Variants in ITSN1 observed in about 807,000 individuals in gnomAD.
ITSN1 encodes intersectin 1.
Under a neutral mutation model 239.8 loss-of-function variants are expected in ITSN1, and 58 were observed. The observed-to-expected ratio is 0.24, with a 90% confidence interval of 0.20 to 0.30. The LOEUF (loss-of-function observed/expected upper bound fraction) is 0.30, where lower values mean the gene tolerates loss of function less well. ITSN1 is among the 10% of genes least tolerant of loss of function. The pLI is 1.00. For missense variants in ITSN1, 1,558 were observed against 2,103.3 expected (o/e 0.74, Z 5.07); for synonymous variants, 780 against 770.8 (o/e 1.01, Z -0.20).
intron 4 of ITSN1, among the ~76,000 whole-genome samples, chr21:33,728,269 A>G (rs898974910): frequency 4.7e-5 from 7 of 149,238 alleles, no homozygotes; most frequent in East Asian, 2.0e-4. Flanking sequence ...CCGGCCAGGA[A>G]TAATCTTTTG....
intron 29 of ITSN1, among the ~76,000 whole-genome samples, chr21:33,856,022 G>T (rs1024517157): frequency 1.3e-5 from 2 of 152,220 alleles, no homozygotes; most frequent in Non-Finnish European, 2.9e-5. Flanking sequence ...AAGTCTCAGG[G>T]TTTGGCTCTT....
chr21:33,749,434 G>A (rs1425971654), intron 5 of ITSN1, among the ~76,000 whole-genome samples: 1 of 152,112 alleles, frequency 6.6e-6, no homozygotes, highest in Non-Finnish European at 1.5e-5. Context: ...CCTGAGGTCA[G>A]GAGTTTGAGA....
At chr21:33,697,533 T>A (rs924577038) in intron 1 of ITSN1, among the ~76,000 whole-genome samples, 17 of 152,168 alleles carry the variant, frequency 1.1e-4, no homozygotes, top group African/African-American at 3.9e-4. Flanking sequence ...CACTTATTAA[T>A]TTATATTTGA....
rs547345446 is a variant in ITSN1, at chr21:33,797,725, A to C, written c.2182+117A>C. On this transcript the variant is annotated intron_variant, in intron 18 of 39. Transcript: ENST00000381318. This position sits in a 1 kb window ranked among gnomAD's most constrained non-coding sequence, Gnocchi z 4.9. ...GGCTACATTAACAGATGAGAACGTCAGTCTCTTATTTTGAGCATGGCCAGC... is the reference window on the plus strand; with the variant it reads ...GGCTACATTAACAGATGAGAACGTCCGTCTCTTATTTTGAGCATGGCCAGC... 1 of 739,406 alleles carries C rather than the reference A, an allele frequency of 1.4e-6. No individual in the cohort carries two copies. The highest frequency in any genetic ancestry group is 2.2e-6 in the Non-Finnish European group (1 of 445,198). 45.8% of individuals were successfully genotyped at this position (739,406 alleles called of 1,614,324 possible). A position where few individuals can be genotyped will look rare whatever the true frequency, so the allele number is the denominator to read the frequency against.
intron 1 of ITSN1, among the ~76,000 whole-genome samples, chr21:33,650,417 C>T (rs188555939): frequency 2.0e-5 from 3 of 152,166 alleles, no homozygotes; most frequent in Admixed American, 2.0e-4. Context: ...GTCTGTTTGC[C>T]TGTGTGTGTG....
chr21:33,731,791 T>A (rs1473095501), intron 4 of ITSN1, among the ~76,000 whole-genome samples: 2 of 152,144 alleles, frequency 1.3e-5, no homozygotes, highest in African/African-American at 4.8e-5. Flanking sequence ...GGAAACTACT[T>A]AAATATGTGA....
At chr21:33,724,465 A>G (rs908913526) in intron 4 of ITSN1, among the ~76,000 whole-genome samples, 3 of 152,262 alleles carry the variant, frequency 2.0e-5, no homozygotes, top group Non-Finnish European at 2.9e-5. Flanking sequence ...TGTGAATTTT[A>G]ACAAGCTTCT....
chr21:33,761,627 T>C (rs1317475254), intron 8 of ITSN1, among the ~76,000 whole-genome samples: 1 of 152,188 alleles, frequency 6.6e-6, no homozygotes. Context: ...GATGGTAATG[T>C]GGACAAAAGG....
intron 21 of ITSN1, among the ~76,000 whole-genome samples, chr21:33,812,002 T>C (rs2072950213): frequency 6.6e-6 from 1 of 152,146 alleles, no homozygotes; most frequent in African/African-American, 2.4e-5. Flanking sequence ...AAGGATCAGA[T>C]GGAACAAATA....
At chr21:33,860,774 A>G (rs1051684393) in intron 31 of ITSN1, among the ~76,000 whole-genome samples, 1 of 152,140 alleles carries the variant, frequency 6.6e-6, no homozygotes, top group Admixed American at 6.5e-5. Flanking sequence ...GGAAAAAAAC[A>G]TGGGCCCAGA....
At chr21:33,649,112 T>C (rs1319232720) in intron 1 of ITSN1, among the ~76,000 whole-genome samples, 1 of 152,132 alleles carries the variant, frequency 6.6e-6, no homozygotes, top group Non-Finnish European at 1.5e-5. Flanking sequence ...TACAGAAGTG[T>C]GATGAGGGAG....
At chr21:33,872,271 A>C (rs1982877918) in intron 33 of ITSN1, among the ~76,000 whole-genome samples, 1 of 152,238 alleles carries the variant, frequency 6.6e-6, no homozygotes, top group Admixed American at 6.5e-5. Flanking sequence ...ATTTATTCTA[A>C]GGAAATAATT....
intron 20 of ITSN1, among the ~76,000 whole-genome samples, chr21:33,809,540 TTAATG>T (rs1480890203): frequency 1.3e-5 from 2 of 152,228 alleles, no homozygotes; most frequent in African/African-American, 4.8e-5. Context: ...TTTGGTTTGT[TTAATG>T]TAATCATTTT....
intron 16 of ITSN1, among the ~76,000 whole-genome samples, chr21:33,790,306 T>C (rs1174393432): frequency 6.9e-6 from 1 of 144,062 alleles, no homozygotes; most frequent in Non-Finnish European, 1.5e-5. Flanking sequence ...ATGTGTGTAG[T>C]ATATATACTA....
At chr21:33,686,574 A>G (rs1439780604) in intron 1 of ITSN1, among the ~76,000 whole-genome samples, 2 of 152,134 alleles carry the variant, frequency 1.3e-5, no homozygotes, top group African/African-American at 4.8e-5. Flanking sequence ...GGGTAGAGTT[A>G]CTGTTTACAG....
chr21:33,737,109 C>G (rs147175466), intron 5 of ITSN1, among the ~76,000 whole-genome samples: 1 of 152,346 alleles, frequency 6.6e-6, no homozygotes, highest in African/African-American at 2.4e-5. Flanking sequence ...TCCTTTTTCT[C>G]TCAAACCTGG....
At position 33,772,147 on chromosome 21, in the gene ITSN1, C is replaced by T. The variant is rs764147892; in HGVS notation, c.1129C>T (p.Arg377Cys). ...KRRQALLEQQ[R>C]KEQERLAQLE... Reference sequence around the variant, plus strand: ...AAGGCAAGCTCTCCTGGAACAGCAGCGCAAGGAGCAGGAGCGCCTGGCCCA... The same window carrying T: ...AAGGCAAGCTCTCCTGGAACAGCAGTGCAAGGAGCAGGAGCGCCTGGCCCA... Residue 377 changes from arginine (R) to cysteine (C), a missense_variant, in exon 12 of 40, where the codon CGC becomes TGC. Arg to Cys is a radical substitution (Grantham distance 180). Coordinates refer to ENST00000381318, the MANE Select transcript of ITSN1 (RefSeq NM_003024.3). 14 of 1,614,198 alleles carry T rather than the reference C, an allele frequency of 8.7e-6. No individual in the cohort carries two copies. The highest frequency in any genetic ancestry group is 2.2e-5 in the South Asian group (2 of 91,086).
In ITSN1 at chr21:33,885,513, C is replaced by T. The variant is rs897452417; in HGVS notation, c.4834C>T (p.Arg1612Trp). The change falls in exon 38 of 40, where the codon CGG becomes TGG. Residue 1612 changes from arginine (R) to tryptophan (W), a missense_variant. Physicochemically the swap from Arg to Trp is moderately radical, Grantham distance 101. Coordinates refer to ENST00000381318, the MANE Select transcript of ITSN1 (RefSeq NM_003024.3). ...TGAAGGCATCGAGTTGAAACCCTGT[C>T]GGTCACATGGTAAGGCTGTGAGGCG... The part of the protein sequence containing the change: ...VVEGIELKPC[R>W]SHGKSNPYCE... The T allele has an allele frequency of 3.7e-6, 6 of 1,613,902 alleles. No homozygotes were observed. Among genetic ancestry groups the T allele is most frequent in the Non-Finnish European group, 3.4e-6 (4 of 1,179,882 alleles).
chr21:33,807,312 AG>A (rs2072529241), intron 20 of ITSN1, among the ~76,000 whole-genome samples: 1 of 152,036 alleles, frequency 6.6e-6, no homozygotes, highest in Non-Finnish European at 1.5e-5. Context: ...AGTTTACTGG[AG>A]GGGGAGGACA....
Sources: allele counts gnomAD v4.1 joint callset (sites outside exome capture counted in the v4.1 genomes callset), GRCh38; gene constraint gnomAD v4.1.1; non-coding constraint Gnocchi (gnomAD v3.1); transcripts MANE v1.5; gene names NCBI Gene and HGNC (gene_info 2026-07-23, HGNC 2026-07-21).